The following ASTN2 variants were observed in gnomAD, a reference collection of about 807,000 sequenced individuals.
ASTN2 encodes the protein astrotactin-2.
A neutral mutation model predicts 139.8 loss-of-function variants in ASTN2; 54 were observed. The observed-to-expected ratio is 0.39, with a 90% CI of 0.31 to 0.48. ASTN2 has a LOEUF of 0.48. ASTN2 is among the 20% of genes least tolerant of loss of function. The pLI is 0.95. For missense variants in ASTN2, 1,565 were observed against 1,725.1 expected (o/e 0.91, Z 1.64); for synonymous variants, 756 against 719.5 (o/e 1.05, Z -0.81).
intron 7 of ASTN2, among the ~76,000 whole-genome samples, chr9:116,987,337 C>G (rs532641688): frequency 4.6e-4 from 70 of 152,340 alleles, no homozygotes; most frequent in Non-Finnish European, 8.5e-4. Context: ...GGTGTTGGCT[C>G]AGCTCATGTG....
At chr9:116,616,868 A>G (rs981818636) in intron 19 of ASTN2, among the ~76,000 whole-genome samples, 2 of 152,182 alleles carry the variant, frequency 1.3e-5, no homozygotes, top group Non-Finnish European at 2.9e-5. Flanking sequence ...TAACGTACAT[A>G]CAGATAAATA....
intron 7 of ASTN2, among the ~76,000 whole-genome samples, chr9:117,005,645 T>G (rs904723776): frequency 6.6e-6 from 1 of 152,162 alleles, no homozygotes; most frequent in Non-Finnish European, 1.5e-5. Context: ...CAGATGGGCT[T>G]CCTGCTTTCT....
chr9:116,903,378 T>C (rs1348365476), intron 10 of ASTN2, among the ~76,000 whole-genome samples: 1 of 152,238 alleles, frequency 6.6e-6, no homozygotes, highest in Admixed American at 6.5e-5. Flanking sequence ...CATTAGTATC[T>C]AGTACATAGT....
At chr9:117,241,927 C>T (rs1052062558) in intron 2 of ASTN2, among the ~76,000 whole-genome samples, 2 of 146,352 alleles carry the variant, frequency 1.4e-5, no homozygotes, top group African/African-American at 5.4e-5. Context: ...GCAAGTTACC[C>T]CCCCCCACAC....
At position 117,246,610 on chromosome 9, in the gene ASTN2, G is replaced by A. The variant is rs74924115; in HGVS notation, c.631-31868C>T. On this transcript the variant is annotated intron_variant, in intron 2 of 22. Transcript: ENST00000313400. ...TGCTGGCATCTCTCCCAAAAAGACA[G>A]TGGAACTCGGATTTCCCATCCCTAA... 9.1e-3 allele frequency among the ~76,000 whole-genome samples: 1,380 copies of A among 152,320 alleles called. 22 individuals carry two copies. Among genetic ancestry groups the A allele is most frequent in the African/African-American group, 0.032 (1,324 of 41,560 alleles).
chr9:117,032,351 T>C (rs760850379), intron 6 of ASTN2, among the ~76,000 whole-genome samples: 5 of 152,104 alleles, frequency 3.3e-5, no homozygotes, highest in African/African-American at 7.2e-5. Context: ...GCTGTGCAAA[T>C]GAGTTAACAA....
intron 20 of ASTN2, among the ~76,000 whole-genome samples, chr9:116,480,573 A>G (rs1036520640): frequency 6.6e-6 from 1 of 152,204 alleles, no homozygotes; most frequent in Non-Finnish European, 1.5e-5. Context: ...AAAACAAGTA[A>G]CAGAGACTAA....
chr9:116,530,406 G>C (rs930590730), intron 19 of ASTN2, among the ~76,000 whole-genome samples: 2 of 151,442 alleles, frequency 1.3e-5, no homozygotes, highest in Non-Finnish European at 2.9e-5. Context: ...ATAAATTTAA[G>C]AGACCTATTG....
chr9:117,105,523 A>C (rs1829081551), intron 4 of ASTN2, among the ~76,000 whole-genome samples: 1 of 152,170 alleles, frequency 6.6e-6, no homozygotes, highest in Non-Finnish European at 1.5e-5. Flanking sequence ...GTCCTTGTGG[A>C]ACTGAGATAA....
intron 3 of ASTN2, among the ~76,000 whole-genome samples, chr9:117,153,568 T>C (rs983495414): frequency 6.6e-6 from 1 of 152,086 alleles, no homozygotes; most frequent in African/African-American, 2.4e-5. Context: ...TTTTCAAGGG[T>C]CATACACAAC....
chr9:117,409,956 G>T (rs1014059290), intron 1 of ASTN2, among the ~76,000 whole-genome samples: 1 of 152,110 alleles, frequency 6.6e-6, no homozygotes, highest in Non-Finnish European at 1.5e-5. Context: ...TCAGCTTCTT[G>T]CATAAAGCAG....
chr9:117,242,663 G>T (rs770285612), intron 2 of ASTN2, among the ~76,000 whole-genome samples: 1 of 152,212 alleles, frequency 6.6e-6, no homozygotes, highest in Non-Finnish European at 1.5e-5. Context: ...AAGCAAGTGG[G>T]CCTAAGCATG....
chr9:116,992,164 T>C (rs1836877882), intron 7 of ASTN2, among the ~76,000 whole-genome samples: 1 of 152,160 alleles, frequency 6.6e-6, no homozygotes. Flanking sequence ...CTGCTTAATA[T>C]GTTCTCAAGA....
At chr9:116,885,526 C>T (rs529734961) in intron 10 of ASTN2, among the ~76,000 whole-genome samples, 6 of 152,152 alleles carry the variant, frequency 3.9e-5, no homozygotes, top group African/African-American at 7.2e-5. Context: ...ATTAGCCAGG[C>T]GAGGTGGCAT....
At chr9:116,446,736 C>G (rs964165053) in intron 20 of ASTN2, among the ~76,000 whole-genome samples, 2 of 152,146 alleles carry the variant, frequency 1.3e-5, no homozygotes, top group African/African-American at 2.4e-5. Flanking sequence ...GGGGAAGGAA[C>G]ACTGGCCAAG....
chr9:117,202,616 A>G (rs1019724330), intron 3 of ASTN2, among the ~76,000 whole-genome samples: 3 of 152,180 alleles, frequency 2.0e-5, no homozygotes, highest in Non-Finnish European at 2.9e-5. Context: ...TTGGCTAGAT[A>G]TGAAATTCTG....
chr9:117,284,722 C>G lies in ASTN2; in HGVS notation c.630+6604G>C, dbSNP rs74321596. ...TAGCAGAGTAATGACATTTATAGAACCAGGGCTGTGTGTCAGGCTCCAGCA... is the reference window on the plus strand; with the variant it reads ...TAGCAGAGTAATGACATTTATAGAAGCAGGGCTGTGTGTCAGGCTCCAGCA... On this transcript the variant is annotated intron_variant, in intron 2 of 22. Transcript: ENST00000313400. 7.7e-3 allele frequency among the ~76,000 whole-genome samples: 1,179 copies of G among 152,254 alleles called. 15 individuals carry two copies. The highest frequency in any genetic ancestry group is 0.027 in the African/African-American group (1,109 of 41,540).
At chr9:117,324,141 T>C (rs894694520) in intron 1 of ASTN2, among the ~76,000 whole-genome samples, 2 of 152,106 alleles carry the variant, frequency 1.3e-5, no homozygotes, top group Non-Finnish European at 2.9e-5. Flanking sequence ...GCCACACTCA[T>C]GCAAGCTCAC....
chr9:116,502,010 G>A (rs1849873897), intron 19 of ASTN2, among the ~76,000 whole-genome samples: 1 of 152,006 alleles, frequency 6.6e-6, no homozygotes, highest in Non-Finnish European at 1.5e-5. Flanking sequence ...CTCCAGAAGG[G>A]TGGGGAGAAG....
Sources: allele counts gnomAD v4.1 joint callset (sites outside exome capture counted in the v4.1 genomes callset), GRCh38; gene constraint gnomAD v4.1.1; transcripts MANE v1.5; gene names NCBI Gene and HGNC (gene_info 2026-07-23, HGNC 2026-07-21).